The following THADA variants were observed in gnomAD, a reference collection of about 807,000 sequenced individuals.
THADA encodes THADA armadillo repeat containing, also known as tRNA (32-2'-O)-methyltransferase regulator THADA.
THADA carries 213 observed loss-of-function variants against 219.8 expected under a neutral mutation model. The ratio of observed to expected loss-of-function variants is 0.97; its 90% CI spans 0.87 to 1.09. The LOEUF (loss-of-function observed/expected upper bound fraction) is 1.09, where lower values mean the gene tolerates loss of function less well. Among genes scored for constraint, THADA ranks in the 50% least tolerant of loss-of-function variants. The pLI, the probability that THADA is intolerant of heterozygous loss-of-function variation, is 0.00. For synonymous variants in THADA, 1,018 were observed against 828.9 expected (o/e 1.23, Z -3.92); for missense variants, 2,956 against 2,311.3 (o/e 1.28, Z -5.72).
At chr2:43,281,442 T>C (rs1673344928) in intron 35 of THADA, among the ~76,000 whole-genome samples, 2 of 17,056 alleles carry the variant, frequency 1.2e-4, no homozygotes, top group South Asian at 7.5e-3. Context: ...ATGTACTTCT[T>C]TTTTTTTTTT....
intron 30 of THADA, among the ~76,000 whole-genome samples, chr2:43,331,916 A>AAC (rs1558592582): frequency 1.1e-5 from 1 of 91,704 alleles, no homozygotes; most frequent in African/African-American, 5.4e-5. Flanking sequence ...ATATATATCT[A>AAC]ATACACACAC....
intron 36 of THADA, among the ~76,000 whole-genome samples, chr2:43,278,486 T>C (rs1333983326): frequency 6.6e-6 from 1 of 152,194 alleles, no homozygotes; most frequent in African/African-American, 2.4e-5. Flanking sequence ...AATGCTGCAA[T>C]TGGAAAAATG....
chr2:43,590,885 T>C lies in THADA; in HGVS notation c.241A>G (p.Ile81Val). Residue 81 changes from isoleucine (I) to valine (V), a missense_variant, in exon 4 of 38, where the codon ATC becomes GTC. Ile to Val is a conservative substitution (Grantham distance 29). Coordinates refer to ENST00000405975, the MANE Select transcript of THADA (RefSeq NM_022065.5). ...AAAGAAAGATAAATGCCTGCTAAGATATCCAAACAACTTTGAATAGTGGGA... is the reference window on the plus strand; with the variant it reads ...AAAGAAAGATAAATGCCTGCTAAGACATCCAAACAACTTTGAATAGTGGGA... ...CDPTIQSCLD[I>V]LAGIYLSLSL... 1 of 1,613,904 alleles carries C rather than the reference T, an allele frequency of 6.2e-7. No homozygotes were observed. Among genetic ancestry groups the C allele is most frequent in the South Asian group, 1.1e-5 (1 of 91,082 alleles).
intron 25 of THADA, among the ~76,000 whole-genome samples, chr2:43,489,996 G>C (rs1169516108): frequency 6.6e-6 from 1 of 151,940 alleles, no homozygotes; most frequent in Non-Finnish European, 1.5e-5. Flanking sequence ...ATGAACACAG[G>C]AGATCTTTCC....
intron 29 of THADA, among the ~76,000 whole-genome samples, chr2:43,364,274 G>GATTA (rs1669870326): frequency 1.3e-5 from 2 of 152,046 alleles, no homozygotes. Flanking sequence ...AAGCTGTTTA[G>GATTA]GTAATATGAC....
intron 30 of THADA, among the ~76,000 whole-genome samples, chr2:43,336,145 A>G (rs1301261397): frequency 6.6e-6 from 1 of 151,804 alleles, no homozygotes; most frequent in Non-Finnish European, 1.5e-5. Flanking sequence ...CTATAGTCTC[A>G]GTTACTTGGG....
At chr2:43,594,371 G>C (rs1399741532) in intron 1 of THADA, among the ~76,000 whole-genome samples, 1 of 152,064 alleles carries the variant, frequency 6.6e-6, no homozygotes, top group Non-Finnish European at 1.5e-5. Flanking sequence ...CCTGAAGTCA[G>C]GAGTTCAAGA....
chr2:43,287,159 G>C lies in THADA; in HGVS notation c.5011-98C>G, dbSNP rs114151355. 7.7e-3 allele frequency: 8,442 copies of C among 1,089,446 alleles called. 40 individuals carry two copies. Among genetic ancestry groups the C allele is most frequent in the Middle Eastern group, 0.012 (43 of 3,718 alleles). The allele number at this position is 1,089,446 out of a possible 1,614,324, so 67.5% of individuals were successfully genotyped here. ...TACACCAAACTGGGCCTGTAGATTA[G>C]CTCTTAGCTCAATGGGAAGAAAGTT... On this transcript the variant is annotated intron_variant, in intron 34 of 37. Coordinates refer to ENST00000405975, the MANE Select transcript of THADA (RefSeq NM_022065.5).
At chr2:43,477,057 C>A (rs1402985648) in intron 26 of THADA, among the ~76,000 whole-genome samples, 1 of 152,162 alleles carries the variant, frequency 6.6e-6, no homozygotes, top group Non-Finnish European at 1.5e-5. Context: ...GTGTATTTAG[C>A]TGTAACTAAA....
intron 26 of THADA, among the ~76,000 whole-genome samples, chr2:43,454,951 CA>C (rs1445374422): frequency 6.6e-6 from 1 of 151,814 alleles, no homozygotes; most frequent in African/African-American, 2.4e-5. Flanking sequence ...TCTCACTTCA[CA>C]AAATTTTGGA....
intron 21 of THADA, among the ~76,000 whole-genome samples, chr2:43,535,063 A>T (rs1476787012): frequency 6.7e-6 from 1 of 148,606 alleles, no homozygotes; most frequent in Admixed American, 6.7e-5. Context: ...ATGATATCTC[A>T]TTGTGGTTTT....
chr2:43,393,562 G>C (rs1231449808), intron 29 of THADA, among the ~76,000 whole-genome samples: 2 of 151,964 alleles, frequency 1.3e-5, no homozygotes, highest in Admixed American at 6.6e-5. Flanking sequence ...ACAAAAATTG[G>C]CCAGCCGTGG....
intron 36 of THADA, among the ~76,000 whole-genome samples, chr2:43,263,237 G>A (rs960000949): frequency 5.9e-5 from 9 of 152,206 alleles, no homozygotes; most frequent in Non-Finnish European, 1.2e-4. Flanking sequence ...GGCCAATTTT[G>A]TTCTGGGAGG....
chr2:43,449,793 A>G (rs1242948782), intron 26 of THADA, among the ~76,000 whole-genome samples: 1 of 152,192 alleles, frequency 6.6e-6, no homozygotes, highest in African/African-American at 2.4e-5. Context: ...GACTTGTTAC[A>G]TGCAAACGGT....
chr2:43,397,093 G>A (rs749144488), intron 29 of THADA, among the ~76,000 whole-genome samples: 5 of 152,210 alleles, frequency 3.3e-5, no homozygotes, highest in South Asian at 2.1e-4. Flanking sequence ...TAAGTAATGC[G>A]GGGTAGATCT....
intron 36 of THADA, among the ~76,000 whole-genome samples, chr2:43,272,976 C>T (rs377118355): frequency 4.0e-5 from 6 of 151,580 alleles, no homozygotes; most frequent in Non-Finnish European, 8.8e-5. Flanking sequence ...TGGCCAGGCA[C>T]GGTGGCTCAT....
chr2:43,263,182 G>C (rs1459881748), intron 36 of THADA, among the ~76,000 whole-genome samples: 1 of 152,152 alleles, frequency 6.6e-6, no homozygotes, highest in East Asian at 1.9e-4. Flanking sequence ...CTCCCCAGTA[G>C]CCCATCCAAC....
intron 28 of THADA, among the ~76,000 whole-genome samples, chr2:43,424,547 C>A (rs568234623): frequency 6.6e-6 from 1 of 152,356 alleles, no homozygotes; most frequent in South Asian, 2.1e-4. Flanking sequence ...ACCACAAGCA[C>A]TGCCTGGAAT....
At chr2:43,362,163 T>C (rs1180833952) in intron 29 of THADA, among the ~76,000 whole-genome samples, 1 of 152,228 alleles carries the variant, frequency 6.6e-6, no homozygotes, top group African/African-American at 2.4e-5. Flanking sequence ...GCCAGTTTGC[T>C]TTTACCTTAT....
Sources: gnomAD v4.1 joint callset for allele counts (sites outside exome capture counted in the v4.1 genomes callset) on GRCh38, gnomAD v4.1.1 for gene constraint, MANE v1.5 for transcripts, NCBI Gene and HGNC (gene_info 2026-07-23, HGNC 2026-07-21) for gene names.